The following SLC6A3 variants were observed in gnomAD, a reference collection of about 807,000 sequenced individuals.
SLC6A3 encodes sodium-dependent dopamine transporter.
SLC6A3 carries 19 observed loss-of-function variants against 70.4 expected under a neutral mutation model. The observed-to-expected ratio is 0.27, with a 90% CI of 0.19 to 0.40. The LOEUF is 0.40. Among genes scored for constraint, SLC6A3 ranks in the 10% least tolerant of loss-of-function variants. The pLI is 1.00. For missense variants in SLC6A3, 613 were observed against 838.5 expected (o/e 0.73, Z 3.32); for synonymous variants, 368 against 356.6 (o/e 1.03, Z -0.36).
rs1488968489 is a variant in SLC6A3 at position 1,436,190 on chromosome 5, G to A, written c.419-3492C>T. Among the ~76,000 whole-genome samples the A allele has an allele frequency of 3.3e-5, 5 of 152,226 alleles. No homozygotes were observed. The highest frequency in any genetic ancestry group is 3.8e-4 in the East Asian group (2 of 5,204). On this transcript the variant is annotated intron_variant, in intron 3 of 14. Transcript: ENST00000270349. The surrounding 1 kb of genome is among the most constrained non-coding windows in gnomAD (Gnocchi z 5.2). ...CCTGCCCTTCAGGAAGGCAGAGCCCGTGACCTGGGCCACTGACGTGTAGCC... is the reference window on the plus strand; with the variant it reads ...CCTGCCCTTCAGGAAGGCAGAGCCCATGACCTGGGCCACTGACGTGTAGCC...
At chr5:1,415,568 T>C (rs1291064186) in intron 7 of SLC6A3, among the ~76,000 whole-genome samples, 2 of 152,172 alleles carry the variant, frequency 1.3e-5, no homozygotes, top group African/African-American at 4.8e-5. Context: ...TGAAAGAAAG[T>C]AAGCACAAGT....
At chr5:1,439,445 A>G (rs1471306646) in intron 3 of SLC6A3, among the ~76,000 whole-genome samples, 1 of 152,188 alleles carries the variant, frequency 6.6e-6, no homozygotes, top group Non-Finnish European at 1.5e-5. Flanking sequence ...GCAGCCCATT[A>G]AGAACGAATG....
chr5:1,441,521 G>A (rs1180808359), intron 2 of SLC6A3, 31 bp from the exon 3 acceptor site: 8 of 1,610,062 alleles, frequency 5.0e-6, no homozygotes, highest in Non-Finnish European at 6.8e-6. Context: ...TTTAGTTTGG[G>A]GCCTCGGAAG....
In SLC6A3 at chr5:1,393,912, G is replaced by C. The variant is rs1029584610; in HGVS notation, c.*823C>G. On this transcript the variant is annotated 3_prime_UTR_variant, in exon 15 of 15. Coordinates refer to ENST00000270349, the MANE Select transcript of SLC6A3 (RefSeq NM_001044.5). ...AGGGATAGGACATGCTCCTGTGGGG[G>C]CCCTGCATGCGTCCGGGGATAGGAC... The C allele has an allele frequency of 6.5e-6, 1 of 153,310 alleles. No homozygotes were observed. The highest frequency in any genetic ancestry group is 1.5e-5 in the Non-Finnish European group (1 of 68,282). 9.5% of individuals were successfully genotyped at this position (153,310 alleles called of 1,614,324 possible). A position where few individuals can be genotyped will look rare whatever the true frequency, so the allele number is the denominator to read the frequency against.
chr5:1,439,803 T>C lies in SLC6A3; in HGVS notation c.418+1556A>G, dbSNP rs1579726931. ...CCCTGAACCACCAGCCCCTGAGAGGTGGCTTTGGCCCACTGGGCAAGTGTG... is the reference window on the plus strand; with the variant it reads ...CCCTGAACCACCAGCCCCTGAGAGGCGGCTTTGGCCCACTGGGCAAGTGTG... On this transcript the variant is annotated intron_variant, in intron 3 of 14. Coordinates refer to ENST00000270349, the MANE Select transcript of SLC6A3 (RefSeq NM_001044.5). Among the ~76,000 whole-genome samples, 3 of 152,300 alleles carry C rather than the reference T, an allele frequency of 2.0e-5. No homozygotes were observed. The East Asian group carries it at 5.8e-4, about 29-fold the overall frequency.
At chr5:1,443,498 C>T (rs1487013950) in intron 1 of SLC6A3, among the ~76,000 whole-genome samples, 1 of 152,166 alleles carries the variant, frequency 6.6e-6, no homozygotes, top group Non-Finnish European at 1.5e-5. Flanking sequence ...TCCTCCTTCC[C>T]CTGCACCCCT....
In SLC6A3 at chr5:1,442,985, C is replaced by T. The variant is rs760259946; in HGVS notation, c.213G>A (p.Leu71=). ...GGTCCACAGCAAAGCCAATGACGGA[C>T]AGGAGAAAGTCGATCTTCTTGCCCC... The part of the protein sequence containing the change: ...ETWGKKIDFL[L]SVIGFAVDLA... Residue 71 remains leucine (L), a synonymous_variant, in exon 2 of 15, where the codon CTG becomes CTA. Coordinates refer to ENST00000270349, the MANE Select transcript of SLC6A3 (RefSeq NM_001044.5). The surrounding 1 kb of genome is among the most constrained non-coding windows in gnomAD (Gnocchi z 5.0). The T allele has an allele frequency of 1.9e-6, 3 of 1,614,108 alleles. No individual in the cohort carries two copies. The highest frequency in any genetic ancestry group is 2.2e-5 in the East Asian group (1 of 44,890).
At chr5:1,395,157 C>T (rs1464379117) in intron 14 of SLC6A3, among the ~76,000 whole-genome samples, 3 of 152,100 alleles carry the variant, frequency 2.0e-5, no homozygotes, top group Non-Finnish European at 4.4e-5. Flanking sequence ...CCCCCACGTC[C>T]CTCCACCTTC....
chr5:1,409,622 C>T, intron 10 of SLC6A3, 99 bp downstream of exon 10: 2 of 1,427,496 alleles, frequency 1.4e-6, no homozygotes, highest in East Asian at 2.3e-5. Context: ...CCTGGAAGTG[C>T]TGCGGTTCTG....
At chr5:1,441,226 T>G (rs1389631708) in intron 3 of SLC6A3, 133 bp downstream of exon 3, 18 of 1,042,702 alleles carry the variant, frequency 1.7e-5, no homozygotes, top group Non-Finnish European at 2.7e-5. Flanking sequence ...CAAGTTCAAG[T>G]GGCGTGTGCC....
rs1243302414 is a variant in SLC6A3 at position 1,408,887 on chromosome 5, C to T, written c.1498+139G>A. On this transcript the variant is annotated intron_variant, in intron 11 of 14. Transcript: ENST00000270349. The surrounding 1 kb of genome is among the most constrained non-coding windows in gnomAD (Gnocchi z 6.4). ...CAAAGGGACCAGTGCCAAGCCTCTC[C>T]CCTCTGCGGAGCTGTGATGACCACA... is the stretch of plus-strand genomic sequence containing the variant. The T allele has an allele frequency of 2.8e-6, 2 of 706,268 alleles. No homozygotes were observed. Among genetic ancestry groups the T allele is most frequent in the Non-Finnish European group, 5.1e-6 (2 of 389,522 alleles). 43.8% of individuals were successfully genotyped at this position (706,268 alleles called of 1,614,324 possible).
At chr5:1,415,045 G>A (rs545240813) in intron 7 of SLC6A3, among the ~76,000 whole-genome samples, 56 of 152,240 alleles carry the variant, frequency 3.7e-4, no homozygotes, top group African/African-American at 1.2e-3. Context: ...GGCTCAGGGT[G>A]GGCAGAACAG....
At position 1,422,002 on chromosome 5, in the gene SLC6A3, C is replaced by T; in HGVS notation, c.666G>A (p.Leu222=). The T allele has an allele frequency of 1.2e-6, 2 of 1,612,068 alleles. No homozygotes were observed. The highest frequency in any genetic ancestry group is 2.2e-5 in the East Asian group (1 of 44,874). ...PAAEYFERGV[L]HLHQSHGIDD... Reference sequence around the variant, plus strand: ...CGATGCCATGGCTCTGGTGGAGGTGCAGCACGCCACGTCTGCAGAGGGGAG... The same window carrying T: ...CGATGCCATGGCTCTGGTGGAGGTGTAGCACGCCACGTCTGCAGAGGGGAG... Residue 222 remains leucine (L), a synonymous_variant, in exon 5 of 15, where the codon CTG becomes CTA. Transcript: ENST00000270349.
In SLC6A3 at chr5:1,394,821, G is replaced by T; in HGVS notation, c.1840-63C>A. On this transcript the variant is annotated intron_variant, in intron 14 of 14. Coordinates refer to ENST00000270349, the MANE Select transcript of SLC6A3 (RefSeq NM_001044.5). The surrounding 1 kb of genome is among the most constrained non-coding windows in gnomAD (Gnocchi z 4.7). The stretch of plus-strand genomic sequence containing the variant: ...GATGCCCCATTTAAGAGCAGCTGAA[G>T]GTGGCTAAGAGCAGCTGAAGGCAGT... 1 of 1,585,010 alleles carries T rather than the reference G, an allele frequency of 6.3e-7. No individual in the cohort carries two copies. The highest frequency in any genetic ancestry group is 2.2e-5 in the East Asian group (1 of 44,722).
At chr5:1,431,353 G>A (rs746700432) in intron 4 of SLC6A3, among the ~76,000 whole-genome samples, 11 of 152,262 alleles carry the variant, frequency 7.2e-5, no homozygotes, top group Non-Finnish European at 1.5e-4. Flanking sequence ...AGCAGGTGCT[G>A]CAGGTGGATG....
chr5:1,417,034 C>G (rs541425061), intron 6 of SLC6A3, among the ~76,000 whole-genome samples: 1 of 150,988 alleles, frequency 6.6e-6, no homozygotes, highest in South Asian at 2.1e-4. Context: ...CACACCAGCC[C>G]TAGCGGGGTC....
Position 1,413,846 on chromosome 5 carries a change from GGCACGTGGCCCCAAGT to G in SLC6A3, c.1156+829_1156+844del, listed in dbSNP as rs772002653. On this transcript the variant is annotated intron_variant, in intron 8 of 14. Transcript: ENST00000270349. The surrounding 1 kb of genome is among the most constrained non-coding windows in gnomAD (Gnocchi z 7.1). The stretch of plus-strand genomic sequence containing the variant: ...CTTTCCACTGCAAGCACCGGAGCCA[GGCACGTGGCCCCAAGT>G]GCCTGGGCCCACTCTCAGCCCCTGC... Among the ~76,000 whole-genome samples, 33 of 152,210 alleles carry G rather than the reference GGCACGTGGCCCCAAGT, an allele frequency of 2.2e-4. No homozygotes were observed. Among genetic ancestry groups the G allele is most frequent in the Non-Finnish European group, 4.6e-4 (31 of 68,040 alleles).
chr5:1,416,545 TCC>T, intron 6 of SLC6A3: 1 of 436,420 alleles, frequency 2.3e-6, no homozygotes, highest in African/African-American at 2.0e-5. Flanking sequence ...GACCACAGCA[TCC>T]TAATAACCCT....
chr5:1,409,957 G>C, intron 9 of SLC6A3, 108 bp from the exon 10 acceptor site: 1 of 1,425,386 alleles, frequency 7.0e-7, no homozygotes, highest in African/African-American at 1.4e-5. Context: ...GATGGACACG[G>C]AACAGGGGCC....
Sources: gnomAD v4.1 joint callset for allele counts (sites outside exome capture counted in the v4.1 genomes callset) on GRCh38, gnomAD v4.1.1 for gene constraint, Gnocchi (gnomAD v3.1) non-coding constraint, MANE v1.5 for transcripts, NCBI Gene and HGNC (gene_info 2026-07-23, HGNC 2026-07-21) for gene names.